The following PKHD1 variants were observed in gnomAD, a reference collection of about 807,000 sequenced individuals.
The protein encoded by PKHD1 is fibrocystin.
PKHD1 carries 291 observed loss-of-function variants against 412.0 expected under a neutral mutation model. That is an observed-to-expected ratio of 0.71 (90% CI 0.64 to 0.78). The LOEUF (loss-of-function observed/expected upper bound fraction) is 0.78. PKHD1 is among the 30% of genes least tolerant of loss of function. PKHD1 has a pLI of 0.00. For synonymous variants in PKHD1, 1,777 were observed against 1,821.5 expected (o/e 0.98, Z 0.62); for missense variants, 4,825 against 4,950.7 (o/e 0.97, Z 0.76).
intron 35 of PKHD1, among the ~76,000 whole-genome samples, chr6:52,001,482 T>C (rs1043615286): frequency 2.0e-5 from 3 of 150,610 alleles, no homozygotes; most frequent in African/African-American, 7.3e-5. Context: ...CAGGCTGGAG[T>C]ACAGTGGTGC....
At chr6:51,847,623 C>T in intron 50 of PKHD1, 152 bp downstream of exon 50, 1 of 701,448 alleles carries the variant, frequency 1.4e-6, no homozygotes, top group East Asian at 2.7e-5. Context: ...TAAACCCAGG[C>T]AATCAGACTT....
rs372186067 is a variant in PKHD1, at chr6:51,656,011, T to C, written c.11174+2941A>G. 1.6e-4 allele frequency among the ~76,000 whole-genome samples: 24 copies of C among 152,280 alleles called. No individual in the cohort carries two copies. The East Asian group carries it at 1.7e-3, about 11-fold the overall frequency. On this transcript the variant is annotated intron_variant, in intron 61 of 66. Transcript: ENST00000371117. Reference sequence around the variant, plus strand: ...GGGGATATACCCAAAGGATTATTTATAAATCATTCTACTATAAAGACACAT... The same window carrying C: ...GGGGATATACCCAAAGGATTATTTACAAATCATTCTACTATAAAGACACAT...
At chr6:51,994,553 GT>G (rs1797488519) in intron 35 of PKHD1, among the ~76,000 whole-genome samples, 2 of 152,044 alleles carry the variant, frequency 1.3e-5, no homozygotes, top group South Asian at 4.1e-4. Context: ...CTTTGGTTTT[GT>G]TTTTTTGGGT....
chr6:52,004,006 T>C (rs1459674440), intron 35 of PKHD1, among the ~76,000 whole-genome samples: 1 of 152,214 alleles, frequency 6.6e-6, no homozygotes, highest in Non-Finnish European at 1.5e-5. Context: ...TTGGATTCAT[T>C]AAGCTTCTTA....
At position 51,618,759 on chromosome 6, in the gene PKHD1, C is replaced by A; in HGVS notation, c.*322G>T. ...AATCCAGAGAATGCTTAATAATAAC[C>A]CCTGCTGGTATAAGTCAGTATTACA... On this transcript the variant is annotated 3_prime_UTR_variant, in exon 67 of 67. Transcript: ENST00000371117. 2.6e-6 allele frequency: 1 copy of A among 384,344 alleles called. No individual in the cohort carries two copies. Among genetic ancestry groups the A allele is most frequent in the East Asian group, 6.5e-5 (1 of 15,476 alleles). 23.8% of individuals were successfully genotyped at this position (384,344 alleles called of 1,614,324 possible). A position where few individuals can be genotyped will look rare whatever the true frequency, so the allele number is the denominator to read the frequency against.
At chr6:51,680,206 C>T (rs1038579475) in intron 60 of PKHD1, among the ~76,000 whole-genome samples, 5 of 151,862 alleles carry the variant, frequency 3.3e-5, no homozygotes, top group African/African-American at 4.8e-5. Context: ...ATTTTTTCCA[C>T]GATGGCTTGA....
chr6:52,005,284 G>T (rs1409857519), intron 35 of PKHD1, among the ~76,000 whole-genome samples: 1 of 152,086 alleles, frequency 6.6e-6, no homozygotes, highest in African/African-American at 2.4e-5. Flanking sequence ...AGATTAATGT[G>T]ACTATAGCTC....
intron 60 of PKHD1, among the ~76,000 whole-genome samples, chr6:51,713,810 C>T (rs1243036642): frequency 6.6e-6 from 1 of 152,112 alleles, no homozygotes; most frequent in East Asian, 1.9e-4. Flanking sequence ...TTAAAATGAG[C>T]CATGATACAC....
At chr6:51,858,930 A>G (rs1773736748) in intron 48 of PKHD1, among the ~76,000 whole-genome samples, 1 of 152,174 alleles carries the variant, frequency 6.6e-6, no homozygotes, top group South Asian at 2.1e-4. Flanking sequence ...AGCTTGATAC[A>G]ATCAACCCCA....
chr6:51,895,002 C>T (rs1387719328), intron 43 of PKHD1, among the ~76,000 whole-genome samples: 2 of 152,228 alleles, frequency 1.3e-5, no homozygotes, highest in African/African-American at 4.8e-5. Context: ...ACATCTCTTT[C>T]TGTTCCACAT....
At chr6:51,970,543 AGTTTTTC>A (rs771808326) in intron 35 of PKHD1, among the ~76,000 whole-genome samples, 13 of 152,160 alleles carry the variant, frequency 8.5e-5, no homozygotes, top group Non-Finnish European at 1.3e-4. Flanking sequence ...TATCCAAAAA[AGTTTTTC>A]CTAGGTTTTC....
intron 35 of PKHD1, among the ~76,000 whole-genome samples, chr6:51,982,855 A>AAAAAT (rs376352534): frequency 0.12 from 15,203 of 125,542 alleles, 815 homozygotes; most frequent in Non-Finnish European, 0.12. Flanking sequence ...ATAAAAAAAT[A>AAAAAT]AAAATAAAAT....
chr6:51,680,133 AT>A (rs1279227414), intron 60 of PKHD1, among the ~76,000 whole-genome samples: 1 of 151,432 alleles, frequency 6.6e-6, no homozygotes, highest in African/African-American at 2.4e-5. Flanking sequence ...CATAATATAT[AT>A]TATTATTATT....
chr6:51,925,781 T>C lies in PKHD1; in HGVS notation c.6121+8329A>G, dbSNP rs1785490449. Reference sequence around the variant, plus strand: ...CTGCTTCTCTTTTTCTCTCCCTCCTTCTCTCTCCCTTCCTCTCTCTCTTTT... The same window carrying C: ...CTGCTTCTCTTTTTCTCTCCCTCCTCCTCTCTCCCTTCCTCTCTCTCTTTT... On this transcript the variant is annotated intron_variant, in intron 37 of 66. Coordinates refer to ENST00000371117, the MANE Select transcript of PKHD1 (RefSeq NM_138694.4). Among the ~76,000 whole-genome samples the C allele has an allele frequency of 2.0e-5, 3 of 151,942 alleles. No individual in the cohort carries two copies. In the South Asian group the frequency reaches 6.3e-4, roughly 32 times the overall value.
At chr6:52,006,864 C>T (rs926785251) in intron 35 of PKHD1, among the ~76,000 whole-genome samples, 55 of 152,058 alleles carry the variant, frequency 3.6e-4, no homozygotes, top group African/African-American at 1.3e-3. Flanking sequence ...CCCCTGAGTC[C>T]CCAAAGTCCA....
intron 8 of PKHD1, among the ~76,000 whole-genome samples, chr6:52,071,442 G>A (rs1056510468): frequency 1.3e-5 from 2 of 151,712 alleles, no homozygotes; most frequent in African/African-American, 4.8e-5. Context: ...CAGACACAAG[G>A]AAGACTACAC....
Position 51,934,221 on chromosome 6 carries a change from G to T in PKHD1, c.6010C>A (p.Pro2004Thr). The T allele has an allele frequency of 6.2e-7, 1 of 1,613,740 alleles. No individual in the cohort carries two copies. Among genetic ancestry groups the T allele is most frequent in the Non-Finnish European group, 8.5e-7 (1 of 1,179,682 alleles). ...GELRIGSEDK[P>T]FQGRAQITLY... ...GTGATCTGAGCTCTGCCTTGGAAGG[G>T]CTTGTCTTCGGATCCAATCCGGAGC... The change falls in exon 37 of 67, where the codon CCC (proline) becomes ACC (threonine). Residue 2004 changes from proline (P) to threonine (T), a missense_variant. By Grantham distance (38) the Pro-to-Thr change is conservative (BLOSUM62 -1). Coordinates refer to ENST00000371117, the MANE Select transcript of PKHD1 (RefSeq NM_138694.4).
chr6:51,868,791 A>C (rs927868619), intron 47 of PKHD1, among the ~76,000 whole-genome samples: 3 of 152,052 alleles, frequency 2.0e-5, no homozygotes, highest in African/African-American at 7.2e-5. Context: ...TATTAGTAAT[A>C]CACTTTCTAA....
chr6:51,948,097 ATCT>A (rs1465838622), intron 36 of PKHD1, among the ~76,000 whole-genome samples: 1 of 151,950 alleles, frequency 6.6e-6, no homozygotes, highest in Non-Finnish European at 1.5e-5. Flanking sequence ...CCACCTCCAC[ATCT>A]ACTTCTGGGG....
Sources: allele counts gnomAD v4.1 joint callset (sites outside exome capture counted in the v4.1 genomes callset), GRCh38; gene constraint gnomAD v4.1.1; transcripts MANE v1.5; gene names NCBI Gene and HGNC (gene_info 2026-07-23, HGNC 2026-07-21).